ZNF529: variants seen among roughly 807,000 people sequenced by gnomAD.
The protein encoded by ZNF529 is zinc finger protein 529.
A neutral mutation model predicts 10.1 loss-of-function variants in ZNF529; 11 were observed. The observed-to-expected ratio is 1.09, with a 90% CI of 0.69 to 1.81. ZNF529 has a LOEUF of 1.81. ZNF529 is among the 40% of genes most tolerant of loss of function. The probability of loss-of-function intolerance (pLI) is 0.00; values close to 1 mark genes in which losing one functional copy is unlikely to be tolerated. For missense variants in ZNF529, 624 were observed against 666.8 expected (o/e 0.94, Z 0.71); for synonymous variants, 204 against 215.7 (o/e 0.95, Z 0.47).
At chr19:36,550,544 T>C (rs1180951402) in intron 4 of ZNF529, among the ~76,000 whole-genome samples, 2 of 151,748 alleles carry the variant, frequency 1.3e-5, no homozygotes, top group East Asian at 3.9e-4. Context: ...AGACTACGTC[T>C]TAAAAAAAAA....
intron 2 of ZNF529, among the ~76,000 whole-genome samples, chr19:36,556,552 A>G (rs936065340): frequency 1.1e-4 from 16 of 152,198 alleles, no homozygotes; most frequent in Non-Finnish European, 1.2e-4. Flanking sequence ...TCCTCTGCCT[A>G]GCCCCAAAAC....
At chr19:36,582,347 A>G (rs2036482520) in intron 2 of ZNF529, 2 of 152,144 alleles carry the variant, frequency 1.3e-5, no homozygotes, top group South Asian at 4.1e-4. Context: ...AAATGAGGAA[A>G]GGCTTAAACA....
intron 2 of ZNF529, among the ~76,000 whole-genome samples, chr19:36,585,395 T>C (rs934868173): frequency 2.6e-5 from 4 of 152,216 alleles, no homozygotes; most frequent in African/African-American, 9.7e-5. Context: ...TCCAGAGCCC[T>C]GTGCTCACAG....
rs1364013395 is a variant in ZNF529, at chr19:36,548,083, T to C, written c.475A>G (p.Thr159Ala). Reference protein sequence around the residue: ...VPSYKTHESLTLPRRTHDSEK... With the variant: ...VPSYKTHESLALPRRTHDSEK... ...CTGTCATGAGTTCTCCGAGGTAAAG[T>C]AAGAGATTCATGAGTTTTGTAACTG... is the stretch of plus-strand genomic sequence containing the variant. The change falls in exon 5 of 5, where the codon ACT (threonine) becomes GCT (alanine). Residue 159 changes from threonine (T) to alanine (A), a missense_variant. Coordinates refer to ENST00000591340, the MANE Select transcript of ZNF529 (RefSeq NM_020951.5). 4 of 1,613,788 alleles carry C rather than the reference T, an allele frequency of 2.5e-6. No individual in the cohort carries two copies. Among genetic ancestry groups the C allele is most frequent in the Non-Finnish European group, 3.4e-6 (4 of 1,179,850 alleles).
At chr19:36,578,004 T>G (rs1446595894), upstream of ZNF529, 1 of 130,576 alleles carries the variant, frequency 7.7e-6, no homozygotes, top group East Asian at 2.1e-4. Flanking sequence ...ACTCAATCCC[T>G]TATTTTTTTT....
chr19:36,569,929 T>C (rs1363721276), intron 2 of ZNF529, among the ~76,000 whole-genome samples: 1 of 152,216 alleles, frequency 6.6e-6, no homozygotes, highest in African/African-American at 2.4e-5. Flanking sequence ...TCTGAGGTCT[T>C]AGCCATGCCA....
At chr19:36,586,297 T>C (rs1387221908) in intron 2 of ZNF529, among the ~76,000 whole-genome samples, 2 of 152,108 alleles carry the variant, frequency 1.3e-5, no homozygotes, top group African/African-American at 4.8e-5. Context: ...AAGACACCAC[T>C]CTGTGTCATA....
At chr19:36,560,125 T>TCA (rs1238962237) in intron 2 of ZNF529, among the ~76,000 whole-genome samples, 1 of 151,846 alleles carries the variant, frequency 6.6e-6, no homozygotes, top group African/African-American at 2.4e-5. Context: ...GGTGTGGTGA[T>TCA]GCATGCCTGT....
Position 36,573,242 on chromosome 19 carries a change from C to T in ZNF529, c.-149G>A, listed in dbSNP as rs1188474467. ...GGGCCACCTCACCGCGAGCTCCTCC[C>T]GCAGCCCGGCCCGGGTCACCTCGAC... On this transcript the variant is annotated 5_prime_UTR_variant, in exon 1 of 5. Transcript: ENST00000591340. 4 of 313,488 alleles carry T rather than the reference C, an allele frequency of 1.3e-5. No individual in the cohort carries two copies. The highest frequency in any genetic ancestry group is 4.3e-5 in the African/African-American group (2 of 45,980). 19.4% of individuals were successfully genotyped at this position (313,488 alleles called of 1,614,324 possible). A position where few individuals can be genotyped will look rare whatever the true frequency, so the allele number is the denominator to read the frequency against.
intron 2 of ZNF529, among the ~76,000 whole-genome samples, chr19:36,571,054 T>C (rs1412443165): frequency 6.6e-6 from 1 of 152,214 alleles, no homozygotes; most frequent in East Asian, 1.9e-4. Context: ...TTTTTCACTT[T>C]TCCTAAGCTA....
chr19:36,602,353 C>A (rs1379054252), intron 1 of ZNF529, among the ~76,000 whole-genome samples: 15 of 152,000 alleles, frequency 9.9e-5, no homozygotes, highest in African/African-American at 3.4e-4. Flanking sequence ...GCCACCTCCA[C>A]AAATTTTTAA....
intron 1 of ZNF529, among the ~76,000 whole-genome samples, chr19:36,602,961 G>A (rs547557697): frequency 6.7e-6 from 1 of 148,812 alleles, no homozygotes; most frequent in Non-Finnish European, 1.5e-5. Flanking sequence ...CACGTGATGC[G>A]GCCAAACCTC....
chr19:36,573,183 G>A lies in ZNF529; in HGVS notation c.-90C>T, dbSNP rs376102992. On this transcript the variant is annotated 5_prime_UTR_variant, in exon 1 of 5. Transcript: ENST00000591340. ...CCGCGTACAGAGGCCTCAGGCTCCCGGCTCCACGTGGACCGACCTCGCCCG... is the reference window on the plus strand; with the variant it reads ...CCGCGTACAGAGGCCTCAGGCTCCCAGCTCCACGTGGACCGACCTCGCCCG... 4.2e-5 allele frequency: 13 copies of A among 311,608 alleles called. No individual in the cohort carries two copies. The highest frequency in any genetic ancestry group is 2.8e-4 in the African/African-American group (13 of 46,066). 19.3% of individuals were successfully genotyped at this position (311,608 alleles called of 1,614,324 possible).
chr19:36,597,297 TTTG>T (rs1054364063), intron 1 of ZNF529, among the ~76,000 whole-genome samples: 18 of 152,354 alleles, frequency 1.2e-4, no homozygotes, highest in African/African-American at 4.3e-4. Context: ...CCCCTCTTTT[TTTG>T]TTGTTCTTTT....
intron 2 of ZNF529, chr19:36,580,550 G>A (rs2145239765): frequency 1.3e-5 from 2 of 152,238 alleles, no homozygotes; most frequent in South Asian, 4.2e-4. Flanking sequence ...GTCCATCATT[G>A]AGTAAAATGT....
chr19:36,601,123 A>T (rs191043154), intron 1 of ZNF529, among the ~76,000 whole-genome samples: 3 of 150,806 alleles, frequency 2.0e-5, no homozygotes, highest in African/African-American at 7.3e-5. Context: ...CATATCAAAC[A>T]CAGGCTGTGC....
Position 36,547,731 on chromosome 19 carries a change from T to G in ZNF529, c.827A>C (p.His276Pro). ...GCATTCAAAGTGTTTCTCACCATCA[T>G]GAACTCTTTGAAGTGGAGTAACTTT... ...VGKVTPLQRV[H>P]DGEKHFECSF... Residue 276 changes from histidine (H) to proline (P), a missense_variant, in exon 5 of 5, where the codon CAT becomes CCT. By Grantham distance (77) the His-to-Pro change is moderately conservative. Transcript: ENST00000591340. 2 of 1,613,902 alleles carry G rather than the reference T, an allele frequency of 1.2e-6. No individual in the cohort carries two copies. Among genetic ancestry groups the G allele is most frequent in the Non-Finnish European group, 1.7e-6 (2 of 1,179,832 alleles).
At chr19:36,585,788 G>C (rs573077679) in intron 2 of ZNF529, among the ~76,000 whole-genome samples, 1 of 152,192 alleles carries the variant, frequency 6.6e-6, no homozygotes, top group South Asian at 2.1e-4. Context: ...AAGATAATGA[G>C]GGGACTCTGG....
At chr19:36,584,959 T>A (rs2036548791) in intron 2 of ZNF529, among the ~76,000 whole-genome samples, 1 of 152,206 alleles carries the variant, frequency 6.6e-6, no homozygotes, top group East Asian at 1.9e-4. Context: ...ATTGATCTCA[T>A]AGAAGTCAAT....
Sources: allele counts gnomAD v4.1 joint callset (sites outside exome capture counted in the v4.1 genomes callset), GRCh38; gene constraint gnomAD v4.1.1; transcripts MANE v1.5; gene names NCBI Gene and HGNC (gene_info 2026-07-23, HGNC 2026-07-21).